ZNF292: variants seen among roughly 807,000 people sequenced by gnomAD.
ZNF292 encodes the protein zinc finger protein 292, also known as 16 zinc-finger domain protein.
ZNF292 carries 26 observed loss-of-function variants against 217.9 expected under a neutral mutation model. The observed-to-expected ratio is 0.12, with a 90% CI of 0.09 to 0.17. The LOEUF (loss-of-function observed/expected upper bound fraction) is 0.17. Ranked by LOEUF, ZNF292 falls within the 10% of genes least tolerant of loss-of-function variation. ZNF292 has a pLI of 1.00. For missense variants in ZNF292, 2,904 were observed against 3,175.2 expected (o/e 0.91, Z 2.05); for synonymous variants, 1,257 against 1,124.1 (o/e 1.12, Z -2.37).
intron 1 of ZNF292, among the ~76,000 whole-genome samples, chr6:87,157,978 C>G (rs1194207534): frequency 6.6e-6 from 1 of 152,170 alleles, no homozygotes; most frequent in Non-Finnish European, 1.5e-5. Flanking sequence ...TCCCAAAGTG[C>G]TGGGATTACA....
chr6:87,180,463 C>T (rs942102875), intron 1 of ZNF292, among the ~76,000 whole-genome samples: 78 of 152,332 alleles, frequency 5.1e-4, no homozygotes, highest in African/African-American at 1.7e-3. Context: ...ACAGCCCCAG[C>T]GTCAGCTTAG....
In ZNF292 at chr6:87,257,453, T is replaced by C. The variant is rs1266880414; in HGVS notation, c.3824T>C (p.Phe1275Ser). The C allele has an allele frequency of 1.9e-6, 3 of 1,613,468 alleles. No homozygotes were observed. Among genetic ancestry groups the C allele is most frequent in the Non-Finnish European group, 2.5e-6 (3 of 1,179,712 alleles). The change falls in exon 8 of 8, where the codon TTC becomes TCC. Residue 1275 changes from phenylalanine (F) to serine (S), a missense_variant. Phe to Ser is a radical substitution (Grantham distance 155). Transcript: ENST00000369577. ...LPAESSSMSL[F>S]PSPADSGTNS... is the part of the protein sequence containing the mutation. Reference sequence around the variant, plus strand: ...GCAGAAAGTAGTTCAATGTCTCTCTTCCCTTCACCAGCAGATAGTGGGACT... The same window carrying C: ...GCAGAAAGTAGTTCAATGTCTCTCTCCCCTTCACCAGCAGATAGTGGGACT...
chr6:87,183,684 A>G (rs1476957272), intron 1 of ZNF292, among the ~76,000 whole-genome samples: 1 of 152,268 alleles, frequency 6.6e-6, no homozygotes, highest in African/African-American at 2.4e-5. Flanking sequence ...CAGTAATGAC[A>G]TACATATTTT....
intron 7 of ZNF292, among the ~76,000 whole-genome samples, chr6:87,253,297 C>T (rs1775031710): frequency 1.4e-5 from 2 of 146,248 alleles, no homozygotes; most frequent in Non-Finnish European, 3.0e-5. Flanking sequence ...GGTGCGATCT[C>T]TGCTCACTGC....
At chr6:87,165,022 C>G (rs1582368515) in intron 1 of ZNF292, among the ~76,000 whole-genome samples, 1 of 152,046 alleles carries the variant, frequency 6.6e-6, no homozygotes. Context: ...CTCAGCCTCC[C>G]AAAGTGCCGG....
At chr6:87,244,834 ATATT>A (rs754105586) in intron 6 of ZNF292, among the ~76,000 whole-genome samples, 2 of 151,954 alleles carry the variant, frequency 1.3e-5, no homozygotes, top group Admixed American at 1.3e-4. Flanking sequence ...TTTTATATAT[ATATT>A]ATATATACAC....
chr6:87,226,484 A>G (rs889095659), intron 4 of ZNF292, among the ~76,000 whole-genome samples: 14 of 151,664 alleles, frequency 9.2e-5, no homozygotes, highest in Admixed American at 1.3e-4. Context: ...ATCTGATTAC[A>G]TGCAGATTAT....
chr6:87,258,261 C>G lies in ZNF292; in HGVS notation c.4632C>G (p.Asn1544Lys), dbSNP rs1245369094. ...TGTTGCACACTGTATGCCATCCAAA[C>G]ACCTTGCTGACCAACCAGAATAGGA... is the stretch of plus-strand genomic sequence containing the variant. ...PPLLHTVCHP[N>K]TLLTNQNRTS... Residue 1544 changes from asparagine (N) to lysine (K), a missense_variant, in exon 8 of 8, where the codon AAC becomes AAG. Transcript: ENST00000369577. 6.2e-7 allele frequency: 1 copy of G among 1,613,058 alleles called. No homozygotes were observed. Among genetic ancestry groups the G allele is most frequent in the Non-Finnish European group, 8.5e-7 (1 of 1,179,610 alleles).
At chr6:87,179,395 A>C (rs1771400068) in intron 1 of ZNF292, among the ~76,000 whole-genome samples, 2 of 152,052 alleles carry the variant, frequency 1.3e-5, no homozygotes, top group African/African-American at 4.8e-5. Context: ...TGCCAACCTC[A>C]GGTGATCCGC....
intron 1 of ZNF292, among the ~76,000 whole-genome samples, chr6:87,194,606 A>G (rs1771905003): frequency 6.6e-6 from 1 of 152,150 alleles, no homozygotes; most frequent in South Asian, 2.1e-4. Context: ...TCCATTTAAA[A>G]TACAAACTAC....
intron 4 of ZNF292, among the ~76,000 whole-genome samples, chr6:87,225,188 C>G (rs768082929): frequency 3.3e-5 from 5 of 152,050 alleles, no homozygotes; most frequent in Non-Finnish European, 7.4e-5. Flanking sequence ...AGATCTCTTG[C>G]CTATTTCTTA....
chr6:87,242,307 C>T (rs983778536), intron 5 of ZNF292, among the ~76,000 whole-genome samples: 4 of 152,100 alleles, frequency 2.6e-5, no homozygotes. Flanking sequence ...TGTGGGTAAT[C>T]ATTTATGTTG....
intron 7 of ZNF292, among the ~76,000 whole-genome samples, chr6:87,246,243 A>AAACG (rs1362895356): frequency 6.6e-6 from 1 of 152,208 alleles, no homozygotes; most frequent in Non-Finnish European, 1.5e-5. Flanking sequence ...ACAAACAAAC[A>AAACG]AACGAACAAA....
intron 1 of ZNF292, among the ~76,000 whole-genome samples, chr6:87,165,969 G>A (rs1770899501): frequency 6.6e-6 from 1 of 152,088 alleles, no homozygotes; most frequent in African/African-American, 2.4e-5. Flanking sequence ...TGTTGGCCAG[G>A]CTGGTCTCAA....
chr6:87,236,084 C>T (rs551323868), intron 5 of ZNF292, among the ~76,000 whole-genome samples: 1 of 152,326 alleles, frequency 6.6e-6, no homozygotes, highest in South Asian at 2.1e-4. Flanking sequence ...TGTCCCCAAC[C>T]CAGAGACATT....
At chr6:87,169,790 A>G (rs771874068) in intron 1 of ZNF292, 8 of 381,034 alleles carry the variant, frequency 2.1e-5, no homozygotes, top group Non-Finnish European at 3.7e-5. Flanking sequence ...GGGACTACAG[A>G]TGTGCGCTAC....
At chr6:87,167,677 A>G (rs1222448420) in intron 1 of ZNF292, among the ~76,000 whole-genome samples, 1 of 152,216 alleles carries the variant, frequency 6.6e-6, no homozygotes, top group Non-Finnish European at 1.5e-5. Flanking sequence ...TTCTGTTTTA[A>G]TGACAACCTT....
Position 87,259,128 on chromosome 6 carries a change from G to T in ZNF292, c.5499G>T (p.Lys1833Asn). 1 of 1,613,252 alleles carries T rather than the reference G, an allele frequency of 6.2e-7. No individual in the cohort carries two copies. ...SNIPQSEVSH[K>N]EDQIQEILEG... The stretch of plus-strand genomic sequence containing the variant: ...TTCCTCAGTCTGAAGTATCACATAA[G>T]GAGGATCAAATACAGGAAATTTTAG... Residue 1833 changes from lysine (K) to asparagine (N), a missense_variant, in exon 8 of 8, where the codon AAG becomes AAT. By Grantham distance (94) the Lys-to-Asn change is moderately conservative. Coordinates refer to ENST00000369577, the MANE Select transcript of ZNF292 (RefSeq NM_015021.3).
intron 1 of ZNF292, among the ~76,000 whole-genome samples, chr6:87,172,811 A>G (rs921910909): frequency 7.2e-5 from 11 of 151,754 alleles, no homozygotes; most frequent in African/African-American, 2.7e-4. Context: ...GGAGGCTGAA[A>G]TGAGAGGATC....
Sources: allele counts gnomAD v4.1 joint callset (sites outside exome capture counted in the v4.1 genomes callset), GRCh38; gene constraint gnomAD v4.1.1; transcripts MANE v1.5; gene names NCBI Gene and HGNC (gene_info 2026-07-23, HGNC 2026-07-21).